SLC4A8: variants seen among roughly 807,000 people sequenced by gnomAD.
SLC4A8 encodes the protein solute carrier family 4 member 8, also known as electroneutral sodium bicarbonate exchanger 1.
A neutral mutation model predicts 125.0 loss-of-function variants in SLC4A8; 40 were observed. The ratio of observed to expected loss-of-function variants is 0.32; its 90% CI spans 0.25 to 0.42. The LOEUF (loss-of-function observed/expected upper bound fraction) is 0.42, where lower values mean the gene tolerates loss of function less well. Ranked by LOEUF, SLC4A8 falls within the 10% of genes least tolerant of loss-of-function variation. The pLI, the probability that SLC4A8 is intolerant of heterozygous loss-of-function variation, is 1.00. For synonymous variants in SLC4A8, 456 were observed against 476.0 expected (o/e 0.96, Z 0.55); for missense variants, 863 against 1,355.1 (o/e 0.64, Z 5.70).
chr12:51,411,565 G>T (rs1258773003), intron 1 of SLC4A8, among the ~76,000 whole-genome samples: 1 of 151,658 alleles, frequency 6.6e-6, no homozygotes, highest in East Asian at 2.0e-4. Flanking sequence ...CTCCAGCCTG[G>T]ATGATGAGAG....
intron 22 of SLC4A8, among the ~76,000 whole-genome samples, chr12:51,503,149 C>A (rs1354703993): frequency 6.7e-6 from 1 of 150,082 alleles, no homozygotes; most frequent in Non-Finnish European, 1.5e-5. Flanking sequence ...GCCAGCCTGA[C>A]GTCTTTCAGC....
chr12:51,420,245 A>G (rs550049744), upstream of SLC4A8: 7 of 152,310 alleles, frequency 4.6e-5, no homozygotes, highest in African/African-American at 1.7e-4. Flanking sequence ...AAAATCAGGT[A>G]TAAGACACAG....
intron 2 of SLC4A8, among the ~76,000 whole-genome samples, chr12:51,446,430 G>A (rs916012272): frequency 1.3e-5 from 2 of 152,226 alleles, no homozygotes; most frequent in Middle Eastern, 3.2e-3. Flanking sequence ...GCAAATAAAA[G>A]GAGAGACAAA....
Position 51,499,658 on chromosome 12 carries a change from C to T in SLC4A8, c.3081+2534C>T, listed in dbSNP as rs528655602. Among the ~76,000 whole-genome samples the T allele has an allele frequency of 2.4e-4, 35 of 148,412 alleles. 1 individual carries two copies. Among genetic ancestry groups the T allele is most frequent in the Admixed American group, 1.5e-3 (22 of 14,950 alleles). Reference sequence around the variant, plus strand: ...ACACACACACACACACACACACACACGTATATAATTTTAGGTAGTGATATG... The same window carrying T: ...ACACACACACACACACACACACACATGTATATAATTTTAGGTAGTGATATG... On this transcript the variant is annotated intron_variant, in intron 22 of 24. Transcript: ENST00000453097.
intron 1 of SLC4A8, among the ~76,000 whole-genome samples, chr12:51,402,132 C>T (rs966321780): frequency 1.3e-5 from 2 of 152,128 alleles, no homozygotes; most frequent in Admixed American, 6.5e-5. Flanking sequence ...GTGTGTTATG[C>T]AAGACTAGAG....
rs376254179 is a variant in SLC4A8, at chr12:51,500,811, C to A, written c.3082-3218C>A. 2.5e-4 allele frequency among the ~76,000 whole-genome samples: 38 copies of A among 150,530 alleles called. No homozygotes were observed. The East Asian group carries it at 7.4e-3, about 29-fold the overall frequency. The stretch of plus-strand genomic sequence containing the variant: ...ACGCCATTCTCCTGCCTCAGCCTCC[C>A]GAGTAGTCGGGACTACAGGCTCTCG... On this transcript the variant is annotated intron_variant, in intron 22 of 24. Coordinates refer to ENST00000453097, the MANE Select transcript of SLC4A8 (RefSeq NM_001039960.3).
intron 16 of SLC4A8, among the ~76,000 whole-genome samples, chr12:51,477,134 C>A (rs935424957): frequency 6.6e-6 from 1 of 151,962 alleles, no homozygotes; most frequent in African/African-American, 2.4e-5. Context: ...GAACTCCCAA[C>A]CTCAGGTGAT....
intron 1 of SLC4A8, among the ~76,000 whole-genome samples, chr12:51,398,626 A>G (rs898653968): frequency 3.9e-5 from 6 of 152,232 alleles, no homozygotes; most frequent in African/African-American, 1.4e-4. Flanking sequence ...TTTCAATCTG[A>G]CAGTTGTTTT....
rs563873664 is a variant in SLC4A8, at chr12:51,514,638, A to G, written c.*7200A>G. 1.3e-5 allele frequency: 2 copies of G among 152,278 alleles called. No homozygotes were observed. Among genetic ancestry groups the G allele is most frequent in the East Asian group, 3.9e-4 (2 of 5,180 alleles). The allele number at this position is 152,278 out of a possible 1,614,324, so 9.4% of individuals were successfully genotyped here. On this transcript the variant is annotated 3_prime_UTR_variant, in exon 25 of 25. Transcript: ENST00000453097. ...AGCCTTCAGTTTCATCCATATTTCAATGTAAGCAGAAAAGCACATCTCAAA... is the reference window on the plus strand; with the variant it reads ...AGCCTTCAGTTTCATCCATATTTCAGTGTAAGCAGAAAAGCACATCTCAAA...
At chr12:51,490,533 A>G (rs888315556) in intron 19 of SLC4A8, among the ~76,000 whole-genome samples, 6 of 147,940 alleles carry the variant, frequency 4.1e-5, no homozygotes, top group Non-Finnish European at 6.0e-5. Context: ...ACTGCACTCC[A>G]GCCAGGGCAA....
In SLC4A8 at chr12:51,408,260, C is replaced by T. The variant is rs144058607; in HGVS notation, c.-112+16772C>T. ...TTTGTTTGTTTTTGAGGCAGAGTCT[C>T]ACTCTGTCATCCAGGCTGGAGTGCA... On this transcript the variant is annotated intron_variant, in intron 1 of 24. Transcript: ENST00000358657. Among the ~76,000 whole-genome samples, 1,273 of 152,270 alleles carry T rather than the reference C, an allele frequency of 8.4e-3. 14 individuals are homozygous for T. The highest frequency in any genetic ancestry group is 0.029 in the African/African-American group (1,208 of 41,540).
At chr12:51,449,360 G>T (rs1236150122) in intron 2 of SLC4A8, among the ~76,000 whole-genome samples, 1 of 151,900 alleles carries the variant, frequency 6.6e-6, no homozygotes, top group East Asian at 1.9e-4. Flanking sequence ...GGGAATTCAA[G>T]GCTACCATGA....
At chr12:51,451,324 C>G (rs1049223290) in intron 3 of SLC4A8, among the ~76,000 whole-genome samples, 1 of 152,142 alleles carries the variant, frequency 6.6e-6, no homozygotes, top group Non-Finnish European at 1.5e-5. Context: ...CCTTGTGATC[C>G]GGTCTCGATA....
chr12:51,424,824 A>T (rs1455552415), upstream of SLC4A8: 4 of 665,780 alleles, frequency 6.0e-6, no homozygotes, highest in Admixed American at 5.4e-5. Context: ...GTTGCGGCGG[A>T]TGCCTCGCGG....
At chr12:51,440,924 C>T in intron 2 of SLC4A8, 135 bp downstream of exon 2, 2 of 945,592 alleles carry the variant, frequency 2.1e-6, no homozygotes, top group Non-Finnish European at 3.0e-6. Context: ...TTTAGCCTCA[C>T]TTTCCTCATC....
chr12:51,440,974 T>G, intron 2 of SLC4A8, 185 bp downstream of exon 2: 1 of 977,624 alleles, frequency 1.0e-6, no homozygotes, highest in African/African-American at 1.7e-5. Context: ...TGTCCTACCT[T>G]ACAGGGATAT....
At chr12:51,463,823 G>A (rs1950429727) in intron 11 of SLC4A8, 109 bp downstream of exon 11, 2 of 697,360 alleles carry the variant, frequency 2.9e-6, no homozygotes, top group South Asian at 2.0e-5. Flanking sequence ...GGAATTTATT[G>A]GCTGAAGAAT....
At chr12:51,455,159 G>T (rs1283197557) in intron 5 of SLC4A8, among the ~76,000 whole-genome samples, 2 of 148,132 alleles carry the variant, frequency 1.4e-5, no homozygotes, top group African/African-American at 5.0e-5. Flanking sequence ...CAAGGCAGAA[G>T]AATTTTTCTT....
chr12:51,447,851 G>A (rs1949828752), intron 2 of SLC4A8, among the ~76,000 whole-genome samples: 1 of 151,758 alleles, frequency 6.6e-6, no homozygotes, highest in South Asian at 2.1e-4. Context: ...TAAGTAGCTG[G>A]GACTACAGGC....
Sources: allele counts gnomAD v4.1 joint callset (sites outside exome capture counted in the v4.1 genomes callset), GRCh38; gene constraint gnomAD v4.1.1; transcripts MANE v1.5; gene names NCBI Gene and HGNC (gene_info 2026-07-23, HGNC 2026-07-21).